COTL1: variants seen among roughly 807,000 people sequenced by gnomAD.
COTL1 encodes coactosin-like protein.
In COTL1, 15 loss-of-function variants were observed where a neutral mutation model predicts 16.5. The ratio of observed to expected loss-of-function variants is 0.91; its 90% CI spans 0.61 to 1.40. The LOEUF (loss-of-function observed/expected upper bound fraction) is 1.40, where lower values mean the gene tolerates loss of function less well. Ranked by LOEUF, COTL1 falls within the 40% of genes most tolerant of loss-of-function variation. The pLI, the probability that COTL1 is intolerant of heterozygous loss-of-function variation, is 0.00. For synonymous variants in COTL1, 112 were observed against 85.3 expected (o/e 1.31, Z -1.73); for missense variants, 220 against 201.5 (o/e 1.09, Z -0.56).
intron 2 of COTL1, among the ~76,000 whole-genome samples, chr16:84,614,648 T>C (rs538318686): frequency 3.9e-5 from 6 of 152,154 alleles, no homozygotes; most frequent in Admixed American, 2.6e-4. Context: ...AGAAACTGGG[T>C]GCTGTTTCTG....
intron 2 of COTL1, chr16:84,595,094 C>T (rs1772980808): frequency 6.6e-6 from 1 of 152,252 alleles, no homozygotes; most frequent in African/African-American, 2.4e-5. Context: ...TCCCAAGTAC[C>T]AGCCCAGGGC....
At chr16:84,603,267 T>C (rs751618022) in intron 2 of COTL1, among the ~76,000 whole-genome samples, 1 of 152,312 alleles carries the variant, frequency 6.6e-6, no homozygotes, top group South Asian at 2.1e-4. Flanking sequence ...TTTACTCTTC[T>C]ACGGATTCAC....
intron 3 of COTL1, among the ~76,000 whole-genome samples, chr16:84,587,928 C>T (rs754887183): frequency 1.3e-5 from 2 of 152,054 alleles, no homozygotes; most frequent in African/African-American, 2.4e-5. Context: ...CCCACCACCA[C>T]ACCCGGCTAA....
chr16:84,616,813 G>T (rs937266778), intron 2 of COTL1, among the ~76,000 whole-genome samples: 4 of 151,988 alleles, frequency 2.6e-5, no homozygotes, highest in Non-Finnish European at 5.9e-5. Context: ...TTTTCACGCG[G>T]GTACACACCT....
intron 3 of COTL1, among the ~76,000 whole-genome samples, chr16:84,586,325 T>A (rs1279195393): frequency 6.6e-6 from 1 of 152,212 alleles, no homozygotes; most frequent in Non-Finnish European, 1.5e-5. Context: ...GTAAGAATTA[T>A]CACCACTACT....
chr16:84,591,234 A>G (rs1274327544), intron 2 of COTL1, among the ~76,000 whole-genome samples: 1 of 150,696 alleles, frequency 6.6e-6, no homozygotes. Flanking sequence ...CCCAGGCTGA[A>G]GTGCAGTGGC....
At chr16:84,586,532 T>C (rs1242957473) in intron 3 of COTL1, among the ~76,000 whole-genome samples, 1 of 152,272 alleles carries the variant, frequency 6.6e-6, no homozygotes, top group Admixed American at 6.5e-5. Context: ...ATTGGAACTC[T>C]GTTTAATGTA....
chr16:84,591,373 T>C (rs141170725), intron 2 of COTL1, among the ~76,000 whole-genome samples: 30,889 of 151,086 alleles, frequency 0.2, 3,518 homozygotes, highest in African/African-American at 0.31. Context: ...TTAGTAGAGA[T>C]GGGGTTTCAC....
At chr16:84,587,916 T>C (rs1904773015) in intron 3 of COTL1, among the ~76,000 whole-genome samples, 1 of 151,998 alleles carries the variant, frequency 6.6e-6, no homozygotes, top group African/African-American at 2.4e-5. Context: ...GGATTACAGG[T>C]GCCCACCACC....
At chr16:84,580,724 G>A (rs956097315) in intron 3 of COTL1, among the ~76,000 whole-genome samples, 1 of 152,140 alleles carries the variant, frequency 6.6e-6, no homozygotes, top group Non-Finnish European at 1.5e-5. Flanking sequence ...CTGTATATTG[G>A]GGTCAGTACA....
chr16:84,592,554 T>G lies in COTL1; in HGVS notation c.161-2292A>C, dbSNP rs1904895623. Among the ~76,000 whole-genome samples the G allele has an allele frequency of 2.0e-5, 3 of 151,568 alleles. No individual in the cohort carries two copies. In the South Asian group the frequency reaches 6.3e-4, roughly 32 times the overall value. On this transcript the variant is annotated intron_variant, in intron 2 of 3. Coordinates refer to ENST00000262428, the MANE Select transcript of COTL1 (RefSeq NM_021149.5). ...TCTGGGGTCTACGCTTCTAAGAAGC[T>G]TCCCAGTGATGCTGATGCTACTGGT...
intron 2 of COTL1, chr16:84,596,705 AC>A: frequency 6.6e-6 from 1 of 151,250 alleles, no homozygotes; most frequent in Non-Finnish European, 1.5e-5. Context: ...CGGCTCTTCC[AC>A]CCCCTCTGTC....
intron 3 of COTL1, among the ~76,000 whole-genome samples, chr16:84,575,053 T>C (rs1904421520): frequency 6.6e-6 from 1 of 152,212 alleles, no homozygotes; most frequent in Non-Finnish European, 1.5e-5. Context: ...ATTTATCTTT[T>C]GAGATGAAGT....
At chr16:84,568,611 A>C (rs1023260568) in intron 3 of COTL1, 2 of 152,280 alleles carry the variant, frequency 1.3e-5, no homozygotes, top group African/African-American at 2.4e-5. Flanking sequence ...CCATACAGAC[A>C]GAAAGCAGAC....
intron 3 of COTL1, among the ~76,000 whole-genome samples, chr16:84,572,584 C>A (rs1019265034): frequency 2.6e-5 from 4 of 152,170 alleles, no homozygotes; most frequent in Non-Finnish European, 5.9e-5. Flanking sequence ...CCTCCGCCTT[C>A]CTAATAGCTA....
intron 2 of COTL1, among the ~76,000 whole-genome samples, chr16:84,599,705 T>G (rs2150691961): frequency 6.6e-6 from 1 of 152,272 alleles, no homozygotes; most frequent in Middle Eastern, 3.4e-3. Flanking sequence ...TGCAGCTCAC[T>G]CTAAAGCTGC....
chr16:84,612,852 C>T (rs1432734782), intron 2 of COTL1, among the ~76,000 whole-genome samples: 3 of 152,168 alleles, frequency 2.0e-5, no homozygotes, highest in East Asian at 1.9e-4. Flanking sequence ...CTCCCAGTCA[C>T]CCTCAGAGGT....
intron 2 of COTL1, among the ~76,000 whole-genome samples, chr16:84,607,716 G>A (rs1298706922): frequency 6.6e-6 from 1 of 152,104 alleles, no homozygotes; most frequent in African/African-American, 2.4e-5. Context: ...TTGGAAGTGG[G>A]AGGCGGGGGA....
chr16:84,582,272 G>A (rs1168649693), intron 3 of COTL1, among the ~76,000 whole-genome samples: 1 of 152,114 alleles, frequency 6.6e-6, no homozygotes, highest in Non-Finnish European at 1.5e-5. Context: ...TGGGATTACA[G>A]GCATGAGCCA....
Sources: allele counts gnomAD v4.1 joint callset (sites outside exome capture counted in the v4.1 genomes callset), GRCh38; gene constraint gnomAD v4.1.1; transcripts MANE v1.5; gene names NCBI Gene and HGNC (gene_info 2026-07-23, HGNC 2026-07-21).